Variants in ZNF407 observed in about 807,000 individuals in gnomAD.
ZNF407 encodes the protein zinc finger protein 407.
Under a neutral mutation model 131.2 loss-of-function variants are expected in ZNF407, and 17 were observed. The observed-to-expected ratio is 0.13, with a 90% CI of 0.09 to 0.19. ZNF407 has a LOEUF of 0.19. Among genes scored for constraint, ZNF407 ranks in the 10% least tolerant of loss-of-function variants. The pLI, the probability that ZNF407 is intolerant of heterozygous loss-of-function variation, is 1.00. For synonymous variants in ZNF407, 1,156 were observed against 1,062.0 expected (o/e 1.09, Z -1.72); for missense variants, 2,681 against 2,830.6 (o/e 0.95, Z 1.20).
intron 3 of ZNF407, among the ~76,000 whole-genome samples, chr18:74,687,240 C>T (rs182052239): frequency 1.3e-5 from 2 of 152,052 alleles, no homozygotes; most frequent in Admixed American, 6.6e-5. Flanking sequence ...GCCAGGTCCT[C>T]GAGAGGCTGA....
At chr18:74,729,457 C>A (rs1968238804) in intron 3 of ZNF407, among the ~76,000 whole-genome samples, 1 of 151,856 alleles carries the variant, frequency 6.6e-6, no homozygotes, top group South Asian at 2.1e-4. Flanking sequence ...TTCTCATGTG[C>A]TAGATGCTCC....
At chr18:74,755,783 CTT>C (rs564028443) in intron 3 of ZNF407, among the ~76,000 whole-genome samples, 1 of 35,866 alleles carries the variant, frequency 2.8e-5, no homozygotes, top group Non-Finnish European at 7.2e-5. Flanking sequence ...CTCTCTCTCT[CTT>C]TCCTTCCTTC....
At chr18:74,620,659 A>T (rs1401665003) in intron 1 of ZNF407, among the ~76,000 whole-genome samples, 4 of 152,186 alleles carry the variant, frequency 2.6e-5, no homozygotes, top group African/African-American at 9.7e-5. Context: ...GTACCTTTGC[A>T]GTCTGCCTGG....
Position 74,877,263 on chromosome 18 carries a change from A to G in ZNF407, c.4944A>G (p.Lys1648=). Residue 1648 remains lysine (K), a synonymous_variant, in exon 5 of 9, where the codon AAA becomes AAG. Coordinates refer to ENST00000299687, the MANE Select transcript of ZNF407 (RefSeq NM_017757.3). The part of the protein sequence containing the change: ...TEKWALNNHM[K]LHTGEKPFKC... Reference sequence around the variant, plus strand: ...AGTGGGCCCTGAACAACCACATGAAACTCCACACGGGAGAAAAGCCGTTTA... The same window carrying G: ...AGTGGGCCCTGAACAACCACATGAAGCTCCACACGGGAGAAAAGCCGTTTA... 1 of 1,613,862 alleles carries G rather than the reference A, an allele frequency of 6.2e-7. No homozygotes were observed. The highest frequency in any genetic ancestry group is 8.5e-7 in the Non-Finnish European group (1 of 1,179,856).
chr18:74,836,275 G>A (rs1599186155), intron 4 of ZNF407, among the ~76,000 whole-genome samples: 1 of 152,186 alleles, frequency 6.6e-6, no homozygotes, highest in East Asian at 1.9e-4. Flanking sequence ...CCACCTTTCT[G>A]CCCTCTCCCC....
At chr18:74,779,109 A>ATTTT (rs869191171) in intron 3 of ZNF407, among the ~76,000 whole-genome samples, 2 of 24,374 alleles carry the variant, frequency 8.2e-5, no homozygotes, top group African/African-American at 2.8e-4. Context: ...ATATATATAT[A>ATTTT]TTTTTTTTTT....
intron 3 of ZNF407, among the ~76,000 whole-genome samples, chr18:74,695,662 A>C (rs890996221): frequency 1.3e-5 from 2 of 152,190 alleles, no homozygotes; most frequent in African/African-American, 4.8e-5. Context: ...AACTAGGATC[A>C]GTAGTTATCT....
chr18:74,669,750 T>G (rs1405379973), intron 3 of ZNF407, among the ~76,000 whole-genome samples: 3 of 152,216 alleles, frequency 2.0e-5, no homozygotes, highest in African/African-American at 7.2e-5. Flanking sequence ...ATCTCTGTTT[T>G]TAGTCCTCTC....
Position 74,763,965 on chromosome 18 carries a change from G to A in ZNF407, c.4803-17463G>A, listed in dbSNP as rs1456996137. Among the ~76,000 whole-genome samples the A allele has an allele frequency of 4.0e-5, 6 of 151,436 alleles. No homozygotes were observed. The East Asian group carries it at 5.8e-4, about 15-fold the overall frequency. ...CCTGACCTCGTGATCCGCCCGCCTC[G>A]GCCTCCCAAAGTGCTGGGATTACAG... On this transcript the variant is annotated intron_variant, in intron 3 of 8. Transcript: ENST00000299687.
At position 74,969,376 on chromosome 18, in the gene ZNF407, T is replaced by C. The variant is rs78375739; in HGVS notation, c.5428+48684T>C. Among the ~76,000 whole-genome samples the C allele has an allele frequency of 4.2e-3, 633 of 152,318 alleles. 5 individuals are homozygous for C. The highest frequency in any genetic ancestry group is 0.014 in the African/African-American group (582 of 41,562). On this transcript the variant is annotated intron_variant, in intron 8 of 8. Transcript: ENST00000299687. Reference sequence around the variant, plus strand: ...GTCTATTATGTCATGAGACTGTAGGTCATATTTAGATTTTTTTATTTTAGT... The same window carrying C: ...GTCTATTATGTCATGAGACTGTAGGCCATATTTAGATTTTTTTATTTTAGT...
chr18:74,839,248 T>A (rs948361379), intron 4 of ZNF407, among the ~76,000 whole-genome samples: 2 of 152,220 alleles, frequency 1.3e-5, no homozygotes, highest in African/African-American at 4.8e-5. Context: ...ATTAAATTAC[T>A]TACTATTAGA....
chr18:74,856,868 A>G (rs1171335616), intron 4 of ZNF407, among the ~76,000 whole-genome samples: 7 of 152,326 alleles, frequency 4.6e-5, no homozygotes. Context: ...TAAGGTGATC[A>G]TTGAATTATA....
intron 3 of ZNF407, among the ~76,000 whole-genome samples, chr18:74,724,403 T>C (rs1968109327): frequency 6.6e-6 from 1 of 152,178 alleles, no homozygotes; most frequent in South Asian, 2.1e-4. Context: ...AGTCATTCTC[T>C]TGTGCAATAG....
At chr18:74,965,831 C>T (rs1972403085) in intron 8 of ZNF407, among the ~76,000 whole-genome samples, 1 of 152,062 alleles carries the variant, frequency 6.6e-6, no homozygotes, top group Admixed American at 6.5e-5. Flanking sequence ...TGTTGCTTGC[C>T]TTTTGAATAT....
At chr18:75,035,479 T>G (rs565756254) in intron 8 of ZNF407, among the ~76,000 whole-genome samples, 1 of 152,204 alleles carries the variant, frequency 6.6e-6, no homozygotes, top group Admixed American at 6.5e-5. Context: ...ATGGAATAGG[T>G]AGATACCAAT....
chr18:74,779,088 C>CGCATATAT (rs761762103), intron 3 of ZNF407, among the ~76,000 whole-genome samples: 32 of 19,228 alleles, frequency 1.7e-3, no homozygotes, highest in Middle Eastern at 0.05. Context: ...TCATGCTTGG[C>CGCATATAT]ATATATATAT....
intron 8 of ZNF407, among the ~76,000 whole-genome samples, chr18:74,994,176 A>T (rs541501244): frequency 6.6e-6 from 1 of 152,200 alleles, no homozygotes; most frequent in African/African-American, 2.4e-5. Flanking sequence ...CCTTGTTCAT[A>T]GGAAGCTCAC....
At chr18:74,598,125 C>G (rs1195661662) in intron 1 of ZNF407, 188 bp downstream of exon 1, 1 of 151,492 alleles carries the variant, frequency 6.6e-6, no homozygotes, top group Non-Finnish European at 1.5e-5. Context: ...CCTTCCTTCC[C>G]GACACCCGCC....
chr18:74,901,029 G>T, intron 7 of ZNF407, among the ~76,000 whole-genome samples: 1 of 152,062 alleles, frequency 6.6e-6, no homozygotes, highest in East Asian at 1.9e-4. Flanking sequence ...ATGTGAACAG[G>T]GAAGGCAAAC....
Sources: gnomAD v4.1 joint callset for allele counts (sites outside exome capture counted in the v4.1 genomes callset) on GRCh38, gnomAD v4.1.1 for gene constraint, MANE v1.5 for transcripts, NCBI Gene and HGNC (gene_info 2026-07-23, HGNC 2026-07-21) for gene names.